SLC12A5: variants seen among roughly 807,000 people sequenced by gnomAD.
The protein encoded by SLC12A5 is K-Cl cotransporter 2.
SLC12A5 carries 18 observed loss-of-function variants against 124.0 expected under a neutral mutation model. The ratio of observed to expected loss-of-function variants is 0.15; its 90% CI spans 0.10 to 0.22. The LOEUF is 0.22. Among genes scored for constraint, SLC12A5 ranks in the 10% least tolerant of loss-of-function variants. The pLI is 1.00. For missense variants in SLC12A5, 867 were observed against 1,478.7 expected (o/e 0.59, Z 6.78); for synonymous variants, 589 against 568.0 (o/e 1.04, Z -0.53).
intron 5 of SLC12A5, among the ~76,000 whole-genome samples, 192 bp from the exon 6 acceptor site, chr20:46,037,063 T>C (rs1024615390): frequency 6.6e-5 from 10 of 151,852 alleles, no homozygotes; most frequent in African/African-American, 2.2e-4. Context: ...ATTAGCAACA[T>C]GGTAATTAGT....
chr20:46,036,706 C>A (rs1254419145), intron 4 of SLC12A5, 35 bp from the exon 5 acceptor site: 2 of 1,612,806 alleles, frequency 1.2e-6, no homozygotes. Context: ...CGGCCCCTAC[C>A]CCAGCCACCG....
At position 46,043,944 on chromosome 20, in the gene SLC12A5, T is replaced by C; in HGVS notation, c.1394+11T>C. 2.0e-6 allele frequency: 3 copies of C among 1,509,654 alleles called. No individual in the cohort carries two copies. Among genetic ancestry groups the C allele is most frequent in the Non-Finnish European group, 2.7e-6 (3 of 1,113,138 alleles). The allele number at this position is 1,509,654 out of a possible 1,614,324, so 93.5% of individuals were successfully genotyped here. ...CGTCCTGCGGGACAAGTAAGATAAT[T>C]GGGGTTGATCCTATTCTGGGGGAGG... On this transcript the variant is annotated intron_variant, in intron 11 of 25. Transcript: ENST00000243964.
Position 46,035,664 on chromosome 20 carries a change from G to A in SLC12A5, c.280-113G>A, listed in dbSNP as rs75075540. On this transcript the variant is annotated intron_variant, in intron 3 of 25. Coordinates refer to ENST00000243964, the MANE Select transcript of SLC12A5 (RefSeq NM_020708.5). ...CAAATCAGAAAGAAGAGGGATGAAG[G>A]GTTGAGAATAGAGAGAAGAGGAAGG... The A allele has an allele frequency of 9.1e-4, 1,380 of 1,508,862 alleles. 9 individuals carry two copies. In the African/African-American group the frequency reaches 0.018, roughly 19 times the overall value. 93.5% of individuals were successfully genotyped at this position (1,508,862 alleles called of 1,614,324 possible).
At chr20:46,046,091 T>C in intron 13 of SLC12A5, 95 bp downstream of exon 13, 2 of 1,194,998 alleles carry the variant, frequency 1.7e-6, no homozygotes, top group East Asian at 2.3e-5. Context: ...CCAGACACTT[T>C]AGCAACCCCA....
rs2084503280 is a variant in SLC12A5 at position 46,036,852 on chromosome 20, G to A, written c.481+57G>A. On this transcript the variant is annotated intron_variant, in intron 5 of 25. Transcript: ENST00000243964. ...ATGGCTGGGTGGAAGGAGGGATAGT[G>A]CCCTGGGCTTTGGGGGACATCAAGG... 63 of 1,600,970 alleles carry A rather than the reference G, an allele frequency of 3.9e-5. No homozygotes were observed. The South Asian group carries it at 6.4e-4, about 16-fold the overall frequency.
In SLC12A5 at chr20:46,036,451, G is replaced by A. The variant is rs561070757; in HGVS notation, c.427-290G>A. 6.8e-5 allele frequency: 24 copies of A among 353,000 alleles called. No individual in the cohort carries two copies. The South Asian group carries it at 8.8e-4, about 13-fold the overall frequency. The allele number at this position is 353,000 out of a possible 1,614,324, so 21.9% of individuals were successfully genotyped here. On this transcript the variant is annotated intron_variant, in intron 4 of 25. Coordinates refer to ENST00000243964, the MANE Select transcript of SLC12A5 (RefSeq NM_020708.5). ...ATAGATGGAGAAACTGAGGCTTGGA[G>A]AAGTGAAGTGAGTTGTCTCAGGTCA... is the stretch of plus-strand genomic sequence containing the variant.
Position 46,056,772 on chromosome 20 carries a change from A to T in SLC12A5, c.3111-125A>T, listed in dbSNP as rs2084699774. 1 of 1,220,686 alleles carries T rather than the reference A, an allele frequency of 8.2e-7. No homozygotes were observed. Among genetic ancestry groups the T allele is most frequent in the Admixed American group, 1.8e-5 (1 of 56,604 alleles). 75.6% of individuals were successfully genotyped at this position (1,220,686 alleles called of 1,614,324 possible). ...CCAGTTGCAGGCAGCGGAAAGGTGA[A>T]GGGTGTGGGGGCTGGCAGAGCAGGA... On this transcript the variant is annotated intron_variant, in intron 23 of 25. Coordinates refer to ENST00000243964, the MANE Select transcript of SLC12A5 (RefSeq NM_020708.5). The surrounding 1 kb of genome is among the most constrained non-coding windows in gnomAD (Gnocchi z 4.3).
intron 1 of SLC12A5, among the ~76,000 whole-genome samples, chr20:46,031,386 C>A (rs1202937472): frequency 2.0e-5 from 3 of 152,092 alleles, no homozygotes; most frequent in Non-Finnish European, 4.4e-5. Flanking sequence ...AGAGAGAAGT[C>A]CCCCCTCCTC....
chr20:46,021,728 C>T, upstream of SLC12A5: 3 of 1,532,286 alleles, frequency 2.0e-6, no homozygotes, highest in Non-Finnish European at 2.6e-6. Context: ...TTGTGCGATC[C>T]CGGACCTTGC....
At chr20:46,030,228 G>T (rs1325693591) in intron 1 of SLC12A5, among the ~76,000 whole-genome samples, 2 of 152,044 alleles carry the variant, frequency 1.3e-5, no homozygotes, top group South Asian at 4.1e-4. Flanking sequence ...GGGCGGGGGG[G>T]AGTCTTTTTA....
At chr20:46,039,265 T>C (rs6017731) in intron 6 of SLC12A5, among the ~76,000 whole-genome samples, 139,762 of 152,282 alleles carry the variant, frequency 0.92, 64,475 homozygotes, top group Middle Eastern at 0.96. Context: ...CAGATGTGCA[T>C]AAAGAATAGA....
rs775382066 is a variant in SLC12A5, at chr20:46,056,332, G to A, written c.2911-33G>A. On this transcript the variant is annotated intron_variant, in intron 22 of 25. Coordinates refer to ENST00000243964, the MANE Select transcript of SLC12A5 (RefSeq NM_020708.5). The surrounding 1 kb of genome is among the most constrained non-coding windows in gnomAD (Gnocchi z 4.3). ...GGAGCAGAGCCCTTGGCCTCCAAAG[G>A]ACTCAACTGCCATCGCTTCATTCAT... 1 of 1,610,096 alleles carries A rather than the reference G, an allele frequency of 6.2e-7. No homozygotes were observed.
Position 46,053,775 on chromosome 20 carries a change from G to C in SLC12A5, c.2679+66G>C, listed in dbSNP as rs2084666192. 6.7e-7 allele frequency: 1 copy of C among 1,490,590 alleles called. No homozygotes were observed. The allele number at this position is 1,490,590 out of a possible 1,614,324, so 92.3% of individuals were successfully genotyped here. On this transcript the variant is annotated intron_variant, in intron 20 of 25. Coordinates refer to ENST00000243964, the MANE Select transcript of SLC12A5 (RefSeq NM_020708.5). This position sits in a 1 kb window ranked among gnomAD's most constrained non-coding sequence, Gnocchi z 4.7. Reference sequence around the variant, plus strand: ...TCTTTCCTCTTGGCCCCAGCACCAAGTAGGGCAACTCTAACACCCATCAGC... The same window carrying C: ...TCTTTCCTCTTGGCCCCAGCACCAACTAGGGCAACTCTAACACCCATCAGC...
In SLC12A5 at chr20:46,057,028, A is replaced by G. The variant is rs2084702001; in HGVS notation, c.3125+117A>G. 12 of 1,589,892 alleles carry G rather than the reference A, an allele frequency of 7.5e-6. No homozygotes were observed. Among genetic ancestry groups the G allele is most frequent in the Non-Finnish European group, 1.0e-5 (12 of 1,159,718 alleles). On this transcript the variant is annotated intron_variant, in intron 24 of 25. Coordinates refer to ENST00000243964, the MANE Select transcript of SLC12A5 (RefSeq NM_020708.5). The surrounding 1 kb of genome is among the most constrained non-coding windows in gnomAD (Gnocchi z 7.1). ...GACCTCTGGGATCTCTGAATAGCCT[A>G]GCCTGGAGATGTTTAGGATTGGTGG...
chr20:46,058,539 G>A lies in SLC12A5; in HGVS notation c.*934G>A, dbSNP rs971060518. On this transcript the variant is annotated 3_prime_UTR_variant, in exon 26 of 26. Coordinates refer to ENST00000243964, the MANE Select transcript of SLC12A5 (RefSeq NM_020708.5). The surrounding 1 kb of genome is among the most constrained non-coding windows in gnomAD (Gnocchi z 5.8). Reference sequence around the variant, plus strand: ...GCAAGTTGGGGCCAGGATAGGGGAGGGGTGCTCCTCAAGAGGAAGAAACCG... The same window carrying A: ...GCAAGTTGGGGCCAGGATAGGGGAGAGGTGCTCCTCAAGAGGAAGAAACCG... 1 of 399,064 alleles carries A rather than the reference G, an allele frequency of 2.5e-6. No individual in the cohort carries two copies. Among genetic ancestry groups the A allele is most frequent in the Non-Finnish European group, 4.4e-6 (1 of 226,212 alleles). The allele number at this position is 399,064 out of a possible 1,614,324, so 24.7% of individuals were successfully genotyped here.
intron 1 of SLC12A5, among the ~76,000 whole-genome samples, chr20:46,031,613 C>G (rs1295345083): frequency 2.0e-5 from 3 of 152,212 alleles, no homozygotes; most frequent in Non-Finnish European, 4.4e-5. Flanking sequence ...TCTTCTTTCT[C>G]CTTGGGGTCT....
At chr20:46,044,935 C>A (rs1188124355) in intron 11 of SLC12A5, 31 bp from the exon 12 acceptor site, 1 of 1,613,694 alleles carries the variant, frequency 6.2e-7, no homozygotes, top group Non-Finnish European at 8.5e-7. Flanking sequence ...CAGCACTGCT[C>A]ACCTGGCATC....
At position 46,057,370 on chromosome 20, in the gene SLC12A5, G is replaced by A; in HGVS notation, c.3259+67G>A. 1 of 1,611,142 alleles carries A rather than the reference G, an allele frequency of 6.2e-7. No homozygotes were observed. The highest frequency in any genetic ancestry group is 1.3e-5 in the African/African-American group (1 of 74,998). On this transcript the variant is annotated intron_variant, in intron 25 of 25. Transcript: ENST00000243964. The surrounding 1 kb of genome is among the most constrained non-coding windows in gnomAD (Gnocchi z 7.1). ...TCAGGGAATCTGGGTCCTGTCCCTGGGATGGAAGAGCTGAGCTGTTCCTGC... is the reference window on the plus strand; with the variant it reads ...TCAGGGAATCTGGGTCCTGTCCCTGAGATGGAAGAGCTGAGCTGTTCCTGC...
intron 13 of SLC12A5, 113 bp downstream of exon 13, chr20:46,046,109 C>A: frequency 1.0e-6 from 1 of 963,486 alleles, no homozygotes; most frequent in South Asian, 1.4e-5. Flanking sequence ...CCAGGAAGTT[C>A]CCCATTGGTC....
Sources: allele counts gnomAD v4.1 joint callset (sites outside exome capture counted in the v4.1 genomes callset), GRCh38; gene constraint gnomAD v4.1.1; non-coding constraint Gnocchi (gnomAD v3.1); transcripts MANE v1.5; gene names NCBI Gene and HGNC (gene_info 2026-07-23, HGNC 2026-07-21).